Variants in ERBB4 observed in about 807,000 individuals in gnomAD.
ERBB4 encodes the protein erb-b2 receptor tyrosine kinase 4, also known as receptor tyrosine-protein kinase erbB-4.
Under a neutral mutation model 158.0 loss-of-function variants are expected in ERBB4, and 42 were observed. The observed-to-expected ratio is 0.27, with a 90% CI of 0.21 to 0.34. ERBB4 has a LOEUF of 0.34. Among genes scored for constraint, ERBB4 ranks in the 10% least tolerant of loss-of-function variants. The probability of loss-of-function intolerance (pLI) is 1.00; values close to 1 mark genes in which losing one functional copy is unlikely to be tolerated. For synonymous variants in ERBB4, 583 were observed against 558.7 expected, an observed-to-expected ratio of 1.04 and a Z score of -0.61; for missense variants, 1,333 against 1,624.1, an observed-to-expected ratio of 0.82 and a Z score of 3.08.
chr2:211,741,932 C>T (rs2074814669), intron 5 of ERBB4, among the ~76,000 whole-genome samples: 1 of 152,062 alleles, frequency 6.6e-6, no homozygotes, highest in Non-Finnish European at 1.5e-5. Context: ...TATTGGGGCA[C>T]TTTTTGAAAT....
chr2:212,138,659 A>T, intron 1 of ERBB4, among the ~76,000 whole-genome samples: 1 of 151,700 alleles, frequency 6.6e-6, no homozygotes, highest in East Asian at 1.9e-4. Flanking sequence ...AAGGAGTAGG[A>T]TACCTTAACA....
chr2:212,336,083 G>A (rs111347971), intron 1 of ERBB4, among the ~76,000 whole-genome samples: 3 of 151,998 alleles, frequency 2.0e-5, no homozygotes, highest in Non-Finnish European at 2.9e-5. Flanking sequence ...GGAACTGGGG[G>A]ATACATGGCG....
chr2:211,825,071 C>G (rs1250099906), intron 3 of ERBB4, among the ~76,000 whole-genome samples: 1 of 151,794 alleles, frequency 6.6e-6, no homozygotes, highest in Admixed American at 6.6e-5. Context: ...AGGAACAAAG[C>G]CTTTGCAGGA....
intron 3 of ERBB4, among the ~76,000 whole-genome samples, chr2:211,861,463 G>C (rs72933704): frequency 6.8e-6 from 1 of 147,432 alleles, no homozygotes; most frequent in Admixed American, 7.0e-5. Context: ...TCAGCCTCTC[G>C]AAGTGCTAGG....
At chr2:212,177,637 T>C (rs2081713396) in intron 1 of ERBB4, among the ~76,000 whole-genome samples, 2 of 151,910 alleles carry the variant, frequency 1.3e-5, no homozygotes, top group Admixed American at 1.3e-4. Flanking sequence ...ATCAATTATA[T>C]AGACTTCACA....
chr2:211,936,663 A>G (rs1337330191), intron 3 of ERBB4, among the ~76,000 whole-genome samples: 1 of 152,124 alleles, frequency 6.6e-6, no homozygotes, highest in East Asian at 1.9e-4. Flanking sequence ...AACAATCTTC[A>G]GATCTATTTG....
chr2:211,548,027 A>C (rs557499071), intron 20 of ERBB4, among the ~76,000 whole-genome samples: 1 of 152,252 alleles, frequency 6.6e-6, no homozygotes, highest in Middle Eastern at 3.4e-3. Flanking sequence ...TTCATATTTC[A>C]TGCAAACTCC....
At chr2:212,332,129 GT>G (rs777756606) in intron 1 of ERBB4, among the ~76,000 whole-genome samples, 2 of 152,020 alleles carry the variant, frequency 1.3e-5, no homozygotes, top group Non-Finnish European at 2.9e-5. Context: ...TTAACATGAG[GT>G]ACTGGGAAGG....
chr2:212,056,724 A>G, intron 2 of ERBB4, among the ~76,000 whole-genome samples: 1 of 152,174 alleles, frequency 6.6e-6, no homozygotes, highest in East Asian at 1.9e-4. Context: ...AGACAAGCAA[A>G]TGCTGAGAGA....
At chr2:212,317,731 T>C (rs891064646) in intron 1 of ERBB4, among the ~76,000 whole-genome samples, 1 of 151,452 alleles carries the variant, frequency 6.6e-6, no homozygotes, top group African/African-American at 2.4e-5. Flanking sequence ...ATAAATGTCA[T>C]GCCTCAAAGC....
At chr2:212,324,544 A>G (rs1430783727) in intron 1 of ERBB4, among the ~76,000 whole-genome samples, 1 of 149,232 alleles carries the variant, frequency 6.7e-6, no homozygotes. Context: ...CTGCTACATA[A>G]TAGGAATTCT....
chr2:212,335,175 T>C (rs1167936089), intron 1 of ERBB4, among the ~76,000 whole-genome samples: 1 of 151,902 alleles, frequency 6.6e-6, no homozygotes, highest in Non-Finnish European at 1.5e-5. Context: ...GAGTCAGAGG[T>C]TATATTTAAA....
At chr2:212,169,593 A>T (rs1271780950) in intron 1 of ERBB4, among the ~76,000 whole-genome samples, 1 of 152,182 alleles carries the variant, frequency 6.6e-6, no homozygotes, top group Non-Finnish European at 1.5e-5. Flanking sequence ...TTCAGGACAT[A>T]GATGCAGGCA....
chr2:212,277,865 G>A (rs982817868), intron 1 of ERBB4, among the ~76,000 whole-genome samples: 1 of 151,550 alleles, frequency 6.6e-6, no homozygotes, highest in Non-Finnish European at 1.5e-5. Context: ...AGTAAACAGA[G>A]GAGTATGATT....
chr2:212,013,177 C>T (rs893103233), intron 2 of ERBB4, among the ~76,000 whole-genome samples: 5 of 152,024 alleles, frequency 3.3e-5, no homozygotes, highest in Non-Finnish European at 7.4e-5. Context: ...CTGTCTCAGC[C>T]TCTCAAGTAG....
intron 1 of ERBB4, among the ~76,000 whole-genome samples, chr2:212,376,314 CAG>C (rs746027487): frequency 2.6e-4 from 40 of 152,014 alleles, no homozygotes; most frequent in Non-Finnish European, 5.1e-4. Flanking sequence ...GGAAGTGCTC[CAG>C]TCAAAGCAAA....
intron 20 of ERBB4, among the ~76,000 whole-genome samples, chr2:211,548,920 C>A (rs894799492): frequency 1.3e-5 from 2 of 152,074 alleles, no homozygotes; most frequent in African/African-American, 4.8e-5. Context: ...TCTGGGGCTC[C>A]TTCCTGCACC....
intron 1 of ERBB4, among the ~76,000 whole-genome samples, chr2:212,268,122 A>G (rs1250425324): frequency 6.6e-6 from 1 of 151,836 alleles, no homozygotes; most frequent in Non-Finnish European, 1.5e-5. Context: ...ATGTTATCTC[A>G]CAAAAGCTGA....
At chr2:211,663,103 C>T (rs185331992) in intron 15 of ERBB4, among the ~76,000 whole-genome samples, 2 of 152,228 alleles carry the variant, frequency 1.3e-5, no homozygotes, top group Admixed American at 6.5e-5. Flanking sequence ...GCACAGAACA[C>T]CTTATTGCTT....
Sources: gnomAD v4.1 joint callset for allele counts (sites outside exome capture counted in the v4.1 genomes callset) on GRCh38, gnomAD v4.1.1 for gene constraint, MANE v1.5 for transcripts, NCBI Gene and HGNC (gene_info 2026-07-23, HGNC 2026-07-21) for gene names.